The following TLDC2 variants were observed in gnomAD, a reference collection of about 807,000 sequenced individuals.
The protein encoded by TLDC2 is TLD domain-containing protein 2.
TLDC2 carries 23 observed loss-of-function variants against 27.9 expected under a neutral mutation model. The observed-to-expected ratio is 0.82, with a 90% confidence interval of 0.59 to 1.17. TLDC2 has a LOEUF of 1.17. Ranked by LOEUF, TLDC2 falls within the 50% of genes most tolerant of loss-of-function variation. TLDC2 has a pLI of 0.00. For missense variants in TLDC2, 286 were observed against 273.4 expected (o/e 1.05, Z -0.32); for synonymous variants, 124 against 107.4 (o/e 1.16, Z -0.96).
rs148112070 is a variant in TLDC2, at chr20:36,887,330, T to C, written c.439-125T>C. On this transcript the variant is annotated intron_variant, in intron 4 of 6. Transcript: ENST00000217320. ...AGATCCCTGAGCCCGGAGTCCCACC[T>C]GCGGCTCGGTTGGGGCCTGGATGCT... 72 of 817,008 alleles carry C rather than the reference T, an allele frequency of 8.8e-5. 1 individual carries two copies. In the African/African-American group the frequency reaches 9.9e-4, roughly 11 times the overall value. 50.6% of individuals were successfully genotyped at this position (817,008 alleles called of 1,614,324 possible).
rs1186641126 is a variant in TLDC2 at position 36,880,070 on chromosome 20, C to CATATAT, written c.343-559_343-554dup. ...ATTACTTGTGTAGAATATATATATA[C>CATATAT]ATATATATATATATATATATATATA... On this transcript the variant is annotated intron_variant, in intron 3 of 6. Transcript: ENST00000217320. Among the ~76,000 whole-genome samples, 708 of 73,010 alleles carry CATATAT rather than the reference C, an allele frequency of 9.7e-3. 13 individuals carry two copies. The highest frequency in any genetic ancestry group is 0.023 in the African/African-American group (487 of 21,254). The allele number at this position is 73,010 out of a possible 152,430, so 47.9% of individuals were successfully genotyped here.
At chr20:36,881,196 T>C (rs534757525) in intron 4 of TLDC2, among the ~76,000 whole-genome samples, 1 of 152,012 alleles carries the variant, frequency 6.6e-6, no homozygotes, top group East Asian at 1.9e-4. Flanking sequence ...CTAGGCAACA[T>C]AGTGAGACCC....
rs1172521627 is a variant in TLDC2, at chr20:36,893,261, G to T, written c.*417G>T. The stretch of plus-strand genomic sequence containing the variant: ...TTAGAAACACTACAGTCTTACGCAG[G>T]AAGAGCCTTCATGAAAACAGCCACT... On this transcript the variant is annotated 3_prime_UTR_variant, in exon 7 of 7. Coordinates refer to ENST00000217320, the MANE Select transcript of TLDC2 (RefSeq NM_080628.3). The T allele has an allele frequency of 3.0e-6, 2 of 658,204 alleles. No homozygotes were observed. The highest frequency in any genetic ancestry group is 5.2e-6 in the Non-Finnish European group (2 of 385,684). 40.8% of individuals were successfully genotyped at this position (658,204 alleles called of 1,614,324 possible).
intron 4 of TLDC2, among the ~76,000 whole-genome samples, chr20:36,883,060 G>C (rs1989848318): frequency 6.6e-6 from 1 of 151,844 alleles, no homozygotes; most frequent in Non-Finnish European, 1.5e-5. Flanking sequence ...GTATGCTGAG[G>C]GTCTCTTCCC....
chr20:36,877,500 A>G (rs558231506), intron 1 of TLDC2, among the ~76,000 whole-genome samples: 12 of 152,266 alleles, frequency 7.9e-5, no homozygotes, highest in African/African-American at 2.4e-4. Flanking sequence ...TTTAATGTAC[A>G]AACACACACA....
Position 36,880,728 on chromosome 20 carries a change from TCTC to T in TLDC2, c.419_421del (p.Ser140del), listed in dbSNP as rs560901246. On this transcript the variant is annotated inframe_deletion, in exon 4 of 7. Transcript: ENST00000217320. Reference sequence around the variant, plus strand: ...TATGGTACTGGCGAGACATTCCTCTTCTCCTTCTCCCCACAGCTGAAGGTGATG... The same window carrying T: ...TATGGTACTGGCGAGACATTCCTCTTCTTCTCCCCACAGCTGAAGGTGATG... 706 of 1,614,154 alleles carry T rather than the reference TCTC, an allele frequency of 4.4e-4. 4 individuals are homozygous for T. The African/African-American group carries it at 8.5e-3, about 19-fold the overall frequency.
intron 1 of TLDC2, among the ~76,000 whole-genome samples, 198 bp from the exon 2 acceptor site, chr20:36,877,701 C>T (rs1315485793): frequency 6.6e-6 from 1 of 152,132 alleles, no homozygotes; most frequent in Non-Finnish European, 1.5e-5. Flanking sequence ...TGGCAGGGGC[C>T]AGGGAGGAAG....
intron 1 of TLDC2, 61 bp downstream of exon 1, chr20:36,876,268 G>A: frequency 1.2e-6 from 2 of 1,608,846 alleles, no homozygotes; most frequent in Non-Finnish European, 1.7e-6. Context: ...GAGGTCTCTG[G>A]CAGGGTGGGG....
At chr20:36,880,079 A>ATGTATATATATATATGTGTGTG (rs1568748435) in intron 3 of TLDC2, among the ~76,000 whole-genome samples, 9 of 47,334 alleles carry the variant, frequency 1.9e-4, no homozygotes, top group South Asian at 1.1e-3. Context: ...ACATATATAT[A>ATGTATATATATATATGTGTGTG]TATATATATA....
rs757336986 is a variant in TLDC2 at position 36,893,294 on chromosome 20, G to A, written c.*450G>A. ...TTCATGAAAACAGCCACTGGCCTCTGCAGAGATGACTGGGAGCAGCATACC... is the reference window on the plus strand; with the variant it reads ...TTCATGAAAACAGCCACTGGCCTCTACAGAGATGACTGGGAGCAGCATACC... On this transcript the variant is annotated 3_prime_UTR_variant, in exon 7 of 7. Transcript: ENST00000217320. The A allele has an allele frequency of 1.6e-4, 95 of 586,420 alleles. No individual in the cohort carries two copies. The highest frequency in any genetic ancestry group is 2.5e-4 in the Non-Finnish European group (83 of 331,722). The allele number at this position is 586,420 out of a possible 1,614,324, so 36.3% of individuals were successfully genotyped here.
chr20:36,878,165 C>T, intron 2 of TLDC2, 111 bp downstream of exon 2: 1 of 1,241,060 alleles, frequency 8.1e-7, no homozygotes, highest in Non-Finnish European at 1.1e-6. Context: ...TTGCTCTGTT[C>T]TCATCATGCG....
intron 3 of TLDC2, 84 bp from the exon 4 acceptor site, chr20:36,880,571 C>T: frequency 8.6e-7 from 1 of 1,168,610 alleles, no homozygotes; most frequent in South Asian, 1.4e-5. Flanking sequence ...TAGGATGAGC[C>T]TGTATTACTA....
intron 3 of TLDC2, among the ~76,000 whole-genome samples, chr20:36,879,902 A>G (rs1568748261): frequency 2.7e-5 from 4 of 150,434 alleles, no homozygotes; most frequent in African/African-American, 9.8e-5. Context: ...AAAAAAATAG[A>G]GATGTACACT....
At chr20:36,889,543 C>A in intron 6 of TLDC2, 140 bp downstream of exon 6, 2 of 981,322 alleles carry the variant, frequency 2.0e-6, no homozygotes, top group Non-Finnish European at 2.9e-6. Context: ...ACCCAAGATA[C>A]AGGTGGGGGC....
At position 36,878,175 on chromosome 20, in the gene TLDC2, G is replaced by A. The variant is rs180731994; in HGVS notation, c.189+121G>A. ...CACTCTTGCTCTGTTCTCATCATGC[G>A]TTACCTCCGGCAAATTGCTTCTTCT... On this transcript the variant is annotated intron_variant, in intron 2 of 6. Transcript: ENST00000217320. The A allele has an allele frequency of 6.7e-5, 73 of 1,097,300 alleles. 1 individual carries two copies. Among genetic ancestry groups the A allele is most frequent in the Middle Eastern group, 4.2e-4 (2 of 4,808 alleles). The allele number at this position is 1,097,300 out of a possible 1,614,324, so 68.0% of individuals were successfully genotyped here. A position where few individuals can be genotyped will look rare whatever the true frequency, so the allele number is the denominator to read the frequency against.
intron 4 of TLDC2, among the ~76,000 whole-genome samples, chr20:36,884,292 C>A (rs778069911): frequency 6.6e-6 from 1 of 152,182 alleles, no homozygotes; most frequent in East Asian, 1.9e-4. Context: ...ACCACACTGG[C>A]CTCTGAGCTG....
intron 4 of TLDC2, among the ~76,000 whole-genome samples, chr20:36,887,176 C>T (rs1241327386): frequency 6.6e-6 from 1 of 152,160 alleles, no homozygotes; most frequent in Non-Finnish European, 1.5e-5. Context: ...CCTCCTCCCT[C>T]CAGCTTTGGA....
In TLDC2 at chr20:36,879,036, C is replaced by T. The variant is rs1308401375; in HGVS notation, c.190-5C>T. Reference sequence around the variant, plus strand: ...TCCTCCATTCACCTCCAACCCTGTCCCCAGCTCAGCTTTCACTTCCCACCA... The same window carrying T: ...TCCTCCATTCACCTCCAACCCTGTCTCCAGCTCAGCTTTCACTTCCCACCA... On this transcript the variant is annotated splice_polypyrimidine_tract_variant and splice_region_variant and intron_variant, in intron 2 of 6. Transcript: ENST00000217320. 6.2e-7 allele frequency: 1 copy of T among 1,614,186 alleles called. No individual in the cohort carries two copies. Among genetic ancestry groups the T allele is most frequent in the South Asian group, 1.1e-5 (1 of 91,080 alleles).
intron 1 of TLDC2, among the ~76,000 whole-genome samples, chr20:36,876,602 G>A (rs1288879811): frequency 3.3e-5 from 5 of 152,132 alleles, no homozygotes; most frequent in Admixed American, 2.6e-4. Flanking sequence ...AGGTCATTGT[G>A]TGGAGGCACA....
Sources: gnomAD v4.1 joint callset for allele counts (sites outside exome capture counted in the v4.1 genomes callset) on GRCh38, gnomAD v4.1.1 for gene constraint, MANE v1.5 for transcripts, NCBI Gene and HGNC (gene_info 2026-07-23, HGNC 2026-07-21) for gene names.